The following PADI6 variants were observed in gnomAD, a reference collection of about 807,000 sequenced individuals.
PADI6 encodes peptidyl arginine deiminase 6.
A neutral mutation model predicts 78.2 loss-of-function variants in PADI6; 66 were observed. That is an observed-to-expected ratio of 0.84 (90% confidence interval 0.69 to 1.04). PADI6 has a LOEUF of 1.04. Ranked by LOEUF, PADI6 falls within the 50% of genes least tolerant of loss-of-function variation. PADI6 has a pLI of 0.00. For synonymous variants in PADI6, 397 were observed against 346.9 expected, an observed-to-expected ratio of 1.14 and a Z score of -1.60; for missense variants, 854 against 866.1, an observed-to-expected ratio of 0.99 and a Z score of 0.18.
At chr1:17,378,960 G>GGA (rs1553152242) in intron 3 of PADI6, among the ~76,000 whole-genome samples, 1 of 143,698 alleles carries the variant, frequency 7.0e-6, no homozygotes, top group Non-Finnish European at 1.5e-5. Flanking sequence ...TTTTTTGGGG[G>GGA]GGGGGACAGA....
intron 1 of PADI6, among the ~76,000 whole-genome samples, chr1:17,372,809 A>G (rs1488777690): frequency 6.6e-6 from 1 of 151,852 alleles, no homozygotes; most frequent in Non-Finnish European, 1.5e-5. Flanking sequence ...GGTGCTTATT[A>G]CTAAGATGTA....
At position 17,392,195 on chromosome 1, in the gene PADI6, G is replaced by A; in HGVS notation, c.1044G>A (p.Glu348=). The A allele has an allele frequency of 6.4e-7, 1 of 1,558,870 alleles. No homozygotes were observed. The highest frequency in any genetic ancestry group is 8.7e-7 in the Non-Finnish European group (1 of 1,151,138). The change falls in exon 9 of 16, where the codon GAG becomes GAA. Residue 348 remains glutamate, a synonymous_variant. Coordinates refer to ENST00000619609, the MANE Select transcript of PADI6 (RefSeq NM_207421.4). ...KSNSQVASVY[E]DPNRLGRWLQ... ...ACAGCCAGGTGGCATCTGTCTATGA[G>A]GACCCCAACCGCCTGGGCAGGTGGC...
At chr1:17,399,769 G>T (rs963025207) in intron 15 of PADI6, among the ~76,000 whole-genome samples, 1 of 151,864 alleles carries the variant, frequency 6.6e-6, no homozygotes, top group African/African-American at 2.4e-5. Flanking sequence ...AGGGTGCAGT[G>T]GCTCATGCCC....
chr1:17,375,532 C>T (rs2075006878), intron 3 of PADI6, 33 bp downstream of exon 3: 1 of 1,557,052 alleles, frequency 6.4e-7, no homozygotes, highest in Non-Finnish European at 8.7e-7. Context: ...GCCTGGGGCC[C>T]AACTCACCGC....
intron 8 of PADI6, 102 bp downstream of exon 8, chr1:17,388,982 AC>A: frequency 1.2e-6 from 1 of 856,804 alleles, no homozygotes; most frequent in Non-Finnish European, 1.8e-6. Context: ...AGGACCTCTC[AC>A]CAGGAGAGTT....
intron 8 of PADI6, among the ~76,000 whole-genome samples, chr1:17,389,536 G>A (rs1281254360): frequency 6.6e-6 from 1 of 152,200 alleles, no homozygotes; most frequent in African/African-American, 2.4e-5. Flanking sequence ...TGCAACCTAT[G>A]GTTGCTGCTA....
At chr1:17,383,331 C>CTT (rs1316259374) in intron 6 of PADI6, among the ~76,000 whole-genome samples, 5 of 152,186 alleles carry the variant, frequency 3.3e-5, no homozygotes, top group African/African-American at 1.2e-4. Context: ...GGTAGCCCAG[C>CTT]TTGGACGTGG....
At chr1:17,381,906 C>G (rs1027243824) in intron 5 of PADI6, 61 bp from the exon 6 acceptor site, 1 of 1,603,814 alleles carries the variant, frequency 6.2e-7, no homozygotes, top group Non-Finnish European at 8.5e-7. Context: ...CTGCTCTTCC[C>G]TCCACCCCCA....
chr1:17,382,157 A>AC, intron 6 of PADI6, 65 bp downstream of exon 6: 1 of 1,576,246 alleles, frequency 6.3e-7, no homozygotes, highest in African/African-American at 1.4e-5. Flanking sequence ...TTGTGCCCAC[A>AC]CCTCCTCCCA....
At chr1:17,377,022 T>A (rs112058818) in intron 3 of PADI6, among the ~76,000 whole-genome samples, 168 of 152,280 alleles carry the variant, frequency 1.1e-3, no homozygotes, top group African/African-American at 3.8e-3. Flanking sequence ...ATAGGTGTTA[T>A]ACCACCATAC....
chr1:17,379,104 C>T (rs1321846625), intron 3 of PADI6, among the ~76,000 whole-genome samples: 2 of 134,714 alleles, frequency 1.5e-5, no homozygotes, highest in African/African-American at 6.3e-5. Context: ...TCCACCATGC[C>T]CAGTTAATTT....
intron 15 of PADI6, among the ~76,000 whole-genome samples, chr1:17,399,626 G>A (rs971480986): frequency 3.3e-5 from 5 of 151,396 alleles, no homozygotes; most frequent in Non-Finnish European, 5.9e-5. Flanking sequence ...TGGTCGTGGT[G>A]GCTCACCTGT....
chr1:17,395,189 G>T (rs1000876522), intron 12 of PADI6, 82 bp downstream of exon 12: 210 of 1,464,878 alleles, frequency 1.4e-4, no homozygotes, highest in Non-Finnish European at 1.8e-4. Context: ...GAGAAAACTG[G>T]CTTTTTCTTG....
chr1:17,385,451 G>A (rs936166173), intron 6 of PADI6, among the ~76,000 whole-genome samples: 4 of 152,116 alleles, frequency 2.6e-5, no homozygotes, highest in African/African-American at 7.2e-5. Flanking sequence ...GGTGGGGATC[G>A]GTAGGAGGAT....
rs2075254977 is a variant in PADI6, at chr1:17,397,144, A to T, written c.1689+3A>T. 6.2e-7 allele frequency: 1 copy of T among 1,613,602 alleles called. No homozygotes were observed. Among genetic ancestry groups the T allele is most frequent in the African/African-American group, 1.3e-5 (1 of 74,948 alleles). ...AGAAGCAGAATGAATACGTGGAGGT[A>T]GGACCAGTGTGAAGGGGGCCATCCC... is the stretch of plus-strand genomic sequence containing the variant. On this transcript the variant is annotated splice_donor_region_variant and intron_variant, in intron 14 of 15. Transcript: ENST00000619609.
At position 17,373,090 on chromosome 1, in the gene PADI6, C is replaced by T. The variant is rs1430889916; in HGVS notation, c.151C>T (p.His51Tyr). ...CCAGAAGTGCCAGTGCTTCACCATC[C>T]ATGGCTCTGGGAGGGTCTTGATCGA... The part of the protein sequence containing the change: ...APQKCQCFTI[H>Y]GSGRVLIDVA... Residue 51 changes from histidine to tyrosine, a missense_variant, in exon 2 of 16, where the codon CAT becomes TAT. His to Tyr is a moderately conservative substitution (Grantham distance 83, BLOSUM62 2). Coordinates refer to ENST00000619609, the MANE Select transcript of PADI6 (RefSeq NM_207421.4). 3.7e-6 allele frequency: 6 copies of T among 1,613,876 alleles called. No homozygotes were observed. Among genetic ancestry groups the T allele is most frequent in the Non-Finnish European group, 5.1e-6 (6 of 1,179,868 alleles).
chr1:17,374,094 C>A (rs1190266596), intron 2 of PADI6, among the ~76,000 whole-genome samples: 2 of 152,102 alleles, frequency 1.3e-5, no homozygotes, highest in East Asian at 3.9e-4. Flanking sequence ...CCAATGGAAC[C>A]TCAGGGCTAG....
rs368222037 is a variant in PADI6, at chr1:17,394,287, G to T, written c.1183-13G>T. ...CTACTAACACCCCTTCCCTGGCTCG[G>T]TCTCTCCCCCAGAGCCCTGGTATTG... is the stretch of plus-strand genomic sequence containing the variant. On this transcript the variant is annotated splice_polypyrimidine_tract_variant and intron_variant, in intron 10 of 15. Coordinates refer to ENST00000619609, the MANE Select transcript of PADI6 (RefSeq NM_207421.4). 1 of 1,610,028 alleles carries T rather than the reference G, an allele frequency of 6.2e-7. No individual in the cohort carries two copies. Among genetic ancestry groups the T allele is most frequent in the Non-Finnish European group, 8.5e-7 (1 of 1,176,658 alleles).
At chr1:17,377,047 A>G (rs912857442) in intron 3 of PADI6, among the ~76,000 whole-genome samples, 11 of 152,036 alleles carry the variant, frequency 7.2e-5, no homozygotes, top group Middle Eastern at 3.4e-3. Flanking sequence ...TTAATTTTTT[A>G]TACAGACATA....
Sources: allele counts gnomAD v4.1 joint callset (sites outside exome capture counted in the v4.1 genomes callset), GRCh38; gene constraint gnomAD v4.1.1; transcripts MANE v1.5; gene names NCBI Gene and HGNC (gene_info 2026-07-23, HGNC 2026-07-21).